OXSR1: variants seen among roughly 807,000 people sequenced by gnomAD.
OXSR1 encodes the protein serine/threonine-protein kinase OSR1.
In OXSR1, 24 loss-of-function variants were observed where a neutral mutation model predicts 79.8. The observed-to-expected ratio is 0.30, with a 90% CI of 0.22 to 0.42. The LOEUF (loss-of-function observed/expected upper bound fraction) is 0.42. OXSR1 is among the 10% of genes least tolerant of loss of function. The pLI is 1.00. For missense variants in OXSR1, 430 were observed against 618.4 expected (o/e 0.70, Z 3.23); for synonymous variants, 226 against 209.2 (o/e 1.08, Z -0.69).
intron 9 of OXSR1, among the ~76,000 whole-genome samples, chr3:38,230,072 G>A (rs1267579262): frequency 2.0e-5 from 3 of 152,084 alleles, no homozygotes; most frequent in Non-Finnish European, 4.4e-5. Flanking sequence ...CAGATAGTAG[G>A]ATGTTACTGT....
chr3:38,229,869 A>G (rs1457852921), intron 9 of OXSR1, 134 bp downstream of exon 9: 7 of 718,004 alleles, frequency 9.7e-6, no homozygotes, highest in Admixed American at 5.0e-5. Flanking sequence ...AGAAAGCACT[A>G]TGTATACAGT....
At chr3:38,208,210 CA>C (rs1453449203) in intron 4 of OXSR1, among the ~76,000 whole-genome samples, 2 of 151,978 alleles carry the variant, frequency 1.3e-5, no homozygotes, top group East Asian at 3.9e-4. Flanking sequence ...GGCCGTACCC[CA>C]TTTTTAGCGA....
intron 2 of OXSR1, among the ~76,000 whole-genome samples, chr3:38,189,432 T>C (rs1237106651): frequency 6.6e-6 from 1 of 152,196 alleles, no homozygotes; most frequent in East Asian, 1.9e-4. Context: ...ACTTAGCTTT[T>C]AGTACAGAAG....
At chr3:38,167,373 C>T (rs1162050055) in intron 1 of OXSR1, among the ~76,000 whole-genome samples, 1 of 152,186 alleles carries the variant, frequency 6.6e-6, no homozygotes, top group African/African-American at 2.4e-5. Flanking sequence ...AAATGTTTAG[C>T]TATACAGGCT....
intron 11 of OXSR1, among the ~76,000 whole-genome samples, chr3:38,241,136 T>C (rs1703024910): frequency 6.6e-6 from 1 of 152,124 alleles, no homozygotes; most frequent in South Asian, 2.1e-4. Flanking sequence ...GTAGGAAAAT[T>C]CCTTGACTAG....
intron 11 of OXSR1, among the ~76,000 whole-genome samples, chr3:38,239,251 T>C (rs2125848535): frequency 6.6e-6 from 1 of 152,332 alleles, no homozygotes; most frequent in South Asian, 2.1e-4. Context: ...TTAGTTATTC[T>C]CTTCATTATG....
intron 1 of OXSR1, among the ~76,000 whole-genome samples, chr3:38,176,281 A>G (rs1404292681): frequency 6.6e-6 from 1 of 152,170 alleles, no homozygotes; most frequent in Non-Finnish European, 1.5e-5. Flanking sequence ...AAGAGATGAA[A>G]TATTTTTTAT....
At chr3:38,252,795 T>C in intron 17 of OXSR1, 22 bp from the exon 18 acceptor site, 3 of 1,586,046 alleles carry the variant, frequency 1.9e-6, no homozygotes, top group African/African-American at 1.3e-5. Flanking sequence ...AATCACAGTT[T>C]CTCATTTTGT....
At chr3:38,198,641 C>T in intron 3 of OXSR1, 81 bp from the exon 4 acceptor site, 1 of 1,040,076 alleles carries the variant, frequency 9.6e-7, no homozygotes, top group South Asian at 1.8e-5. Context: ...AGAAGGTTCA[C>T]ATGTGTTTTG....
chr3:38,247,431 C>G (rs1303169621), intron 13 of OXSR1, among the ~76,000 whole-genome samples: 1 of 152,126 alleles, frequency 6.6e-6, no homozygotes, highest in African/African-American at 2.4e-5. Flanking sequence ...TGTGAAATTT[C>G]ATCTGGGCTT....
chr3:38,169,843 C>T (rs1392772251), intron 1 of OXSR1, among the ~76,000 whole-genome samples: 1 of 151,732 alleles, frequency 6.6e-6, no homozygotes, highest in East Asian at 1.9e-4. Context: ...GATCCTCCCA[C>T]CCCTGCCTCC....
intron 1 of OXSR1, among the ~76,000 whole-genome samples, chr3:38,169,609 G>GTTTTTTTTTTT (rs1007606807): frequency 7.1e-6 from 1 of 140,856 alleles, no homozygotes; most frequent in African/African-American, 2.6e-5. Context: ...CTGGCTGTTC[G>GTTTTTTTTTTT]TTTTTTTTTT....
chr3:38,180,414 C>T (rs976647758), intron 1 of OXSR1, among the ~76,000 whole-genome samples: 1 of 151,680 alleles, frequency 6.6e-6, no homozygotes, highest in Non-Finnish European at 1.5e-5. Flanking sequence ...TGGAATCATA[C>T]TATATACAGA....
Position 38,201,791 on chromosome 3 carries a change from G to A in OXSR1, c.434+2928G>A, listed in dbSNP as rs149050563. 1.2e-4 allele frequency among the ~76,000 whole-genome samples: 18 copies of A among 152,194 alleles called. No individual in the cohort carries two copies. The East Asian group carries it at 3.5e-3, about 30-fold the overall frequency. On this transcript the variant is annotated intron_variant, in intron 4 of 17. Coordinates refer to ENST00000311806, the MANE Select transcript of OXSR1 (RefSeq NM_005109.3). ...AGGCAGGAGGATCAGTTGAGCCCCAGAGGTTGAGGCTGCAGTGAGCTGTGA... is the reference window on the plus strand; with the variant it reads ...AGGCAGGAGGATCAGTTGAGCCCCAAAGGTTGAGGCTGCAGTGAGCTGTGA...
chr3:38,204,053 A>G (rs1036904212), intron 4 of OXSR1, among the ~76,000 whole-genome samples: 2 of 152,100 alleles, frequency 1.3e-5, no homozygotes, highest in Non-Finnish European at 2.9e-5. Context: ...ACCACAAGAC[A>G]GGGTCCTTCC....
In OXSR1 at chr3:38,254,435, A is replaced by T. The variant is rs1238979735; in HGVS notation, c.*1544A>T. 7.7e-6 allele frequency: 3 copies of T among 389,576 alleles called. No individual in the cohort carries two copies. The highest frequency in any genetic ancestry group is 6.2e-5 in the African/African-American group (3 of 48,336). 24.1% of individuals were successfully genotyped at this position (389,576 alleles called of 1,614,324 possible). On this transcript the variant is annotated 3_prime_UTR_variant, in exon 18 of 18. Transcript: ENST00000311806. ...AGAGATGGATGTTGGGGAGGAAGAG[A>T]GGAGATGGATTTCAGTTGGGAGTTA...
chr3:38,173,065 G>A (rs553113279), intron 1 of OXSR1, among the ~76,000 whole-genome samples: 1 of 152,296 alleles, frequency 6.6e-6, no homozygotes, highest in African/African-American at 2.4e-5. Flanking sequence ...CTTTTAAAAG[G>A]CTTTCTTTCC....
At chr3:38,230,194 C>T (rs544358352) in intron 9 of OXSR1, among the ~76,000 whole-genome samples, 171 bp from the exon 10 acceptor site, 55 of 152,258 alleles carry the variant, frequency 3.6e-4, no homozygotes, top group African/African-American at 1.3e-3. Flanking sequence ...ATTTATGAAA[C>T]TGTGGTAGTA....
At chr3:38,242,867 A>G (rs1703063341) in intron 12 of OXSR1, 89 bp downstream of exon 12, 5 of 731,286 alleles carry the variant, frequency 6.8e-6, no homozygotes, top group Middle Eastern at 2.5e-4. Flanking sequence ...GTGCATATGT[A>G]TGCTTAAATG....
Sources: allele counts gnomAD v4.1 joint callset (sites outside exome capture counted in the v4.1 genomes callset), GRCh38; gene constraint gnomAD v4.1.1; transcripts MANE v1.5; gene names NCBI Gene and HGNC (gene_info 2026-07-23, HGNC 2026-07-21).